The following FYB1 variants were observed in gnomAD, a reference collection of about 807,000 sequenced individuals.
FYB1 encodes FYN-binding protein 1.
FYB1 carries 41 observed loss-of-function variants against 94.1 expected under a neutral mutation model. The observed-to-expected ratio is 0.44, with a 90% CI of 0.34 to 0.57. The LOEUF is 0.57. FYB1 is among the 20% of genes least tolerant of loss of function. The pLI, the probability that FYB1 is intolerant of heterozygous loss-of-function variation, is 0.02. For missense variants in FYB1, 1,050 were observed against 976.8 expected (o/e 1.07, Z -1.00); for synonymous variants, 367 against 353.2 (o/e 1.04, Z -0.44).
intron 1 of FYB1, among the ~76,000 whole-genome samples, chr5:39,205,042 T>A (rs958328903): frequency 6.6e-6 from 1 of 152,096 alleles, no homozygotes; most frequent in African/African-American, 2.4e-5. Flanking sequence ...AATGGGTTCT[T>A]CCCTGAACCT....
chr5:39,252,551 A>G (rs1024391661), intron 1 of FYB1, among the ~76,000 whole-genome samples: 6 of 152,260 alleles, frequency 3.9e-5, no homozygotes, highest in African/African-American at 1.4e-4. Context: ...AGGTCAAAGC[A>G]TATGTCTTAA....
intron 1 of FYB1, among the ~76,000 whole-genome samples, chr5:39,226,065 A>G (rs1750459049): frequency 6.6e-6 from 1 of 152,180 alleles, no homozygotes; most frequent in South Asian, 2.1e-4. Context: ...AGGTAACCAC[A>G]TAAGAGACAT....
At chr5:39,133,196 A>G (rs1393387009) in intron 9 of FYB1, among the ~76,000 whole-genome samples, 1 of 152,226 alleles carries the variant, frequency 6.6e-6, no homozygotes, top group Non-Finnish European at 1.5e-5. Flanking sequence ...ATGGCTGACA[A>G]TGAAGATTGT....
intron 16 of FYB1, among the ~76,000 whole-genome samples, chr5:39,112,791 C>T (rs1243874428): frequency 2.0e-5 from 3 of 152,020 alleles, no homozygotes; most frequent in Admixed American, 2.0e-4. Context: ...ATTTCCATTC[C>T]CTCCTATATC....
At chr5:39,227,016 C>G (rs1750500970) in intron 1 of FYB1, among the ~76,000 whole-genome samples, 1 of 152,198 alleles carries the variant, frequency 6.6e-6, no homozygotes, top group African/African-American at 2.4e-5. Flanking sequence ...TAGGCTATAT[C>G]TGGGTGCAGA....
chr5:39,145,155 C>G (rs1270006540), intron 3 of FYB1, among the ~76,000 whole-genome samples: 1 of 152,078 alleles, frequency 6.6e-6, no homozygotes, highest in Non-Finnish European at 1.5e-5. Context: ...CTTTTATATG[C>G]TTAACATTTT....
At chr5:39,124,000 C>T (rs1285669518) in intron 13 of FYB1, among the ~76,000 whole-genome samples, 3 of 152,092 alleles carry the variant, frequency 2.0e-5, no homozygotes, top group African/African-American at 7.2e-5. Context: ...CTTATCCCTT[C>T]CCACTTATCC....
Position 39,180,086 on chromosome 5 carries a change from C to T in FYB1, c.1135+21740G>A, listed in dbSNP as rs112489769. Among the ~76,000 whole-genome samples the T allele has an allele frequency of 6.2e-3, 950 of 152,268 alleles. 6 individuals carry two copies. Among genetic ancestry groups the T allele is most frequent in the Non-Finnish European group, 0.011 (723 of 68,014 alleles). On this transcript the variant is annotated intron_variant, in intron 2 of 18. Transcript: ENST00000512982. ...AAGGTAAACTTCAGGAGAACAGAGA[C>T]GTAACTGTCTCATCTCTATTGGATT...
chr5:39,202,365 C>T lies in FYB1; in HGVS notation c.596G>A (p.Gly199Asp), dbSNP rs1267829413. 1 of 1,613,898 alleles carries T rather than the reference C, an allele frequency of 6.2e-7. No homozygotes were observed. Among genetic ancestry groups the T allele is most frequent in the Non-Finnish European group, 8.5e-7 (1 of 1,179,876 alleles). Residue 199 changes from glycine to aspartate, a missense_variant, in exon 2 of 19, where the codon GGC becomes GAC. Physicochemically the swap from Gly to Asp is moderately conservative, Grantham distance 94. Transcript: ENST00000512982. The part of the protein sequence containing the change: ...PKPLFPKPAF[G>D]QKPPLSTENS... ...CTCGGTACTTAGGGGCGGCTTCTGG[C>T]CAAAGGCGGGTTTGGGGAAGAGGGG...
At chr5:39,159,148 C>T (rs115139843) in intron 2 of FYB1, among the ~76,000 whole-genome samples, 32 of 152,256 alleles carry the variant, frequency 2.1e-4, no homozygotes, top group African/African-American at 7.5e-4. Flanking sequence ...CATATAAAAT[C>T]ATTTCTGTTA....
At chr5:39,125,162 G>C (rs991975712) in intron 12 of FYB1, among the ~76,000 whole-genome samples, 2 of 152,008 alleles carry the variant, frequency 1.3e-5, no homozygotes, top group African/African-American at 4.8e-5. Context: ...TGTTTTCCTA[G>C]AATTTCAAGT....
At chr5:39,152,337 A>G (rs1044727184) in intron 3 of FYB1, among the ~76,000 whole-genome samples, 2 of 152,152 alleles carry the variant, frequency 1.3e-5, no homozygotes, top group African/African-American at 2.4e-5. Context: ...TCCTTTCCCT[A>G]AATTGTAGTC....
rs778155667 is a variant in FYB1, at chr5:39,141,105, C to T, written c.1329G>A (p.Thr443=). Residue 443 remains threonine (T), a synonymous_variant, in exon 4 of 19, where the codon ACG becomes ACA. Transcript: ENST00000512982. ...GTTTTTGTCGTTTACCATCAGAGTG[C>T]GTGACACCATCTTGATTGTCTTCAT... is the stretch of plus-strand genomic sequence containing the variant. ...PVNEDNQDGV[T]HSDGAGNLDE... is the part of the protein sequence containing the mutation. 2.9e-5 allele frequency: 46 copies of T among 1,588,384 alleles called. No individual in the cohort carries two copies. In the East Asian group the frequency reaches 3.8e-4, roughly 13 times the overall value.
intron 1 of FYB1, among the ~76,000 whole-genome samples, chr5:39,247,863 T>A (rs887615761): frequency 6.6e-6 from 1 of 151,656 alleles, no homozygotes; most frequent in Non-Finnish European, 1.5e-5. Context: ...ATAACTTTTT[T>A]TCTTGGCTTT....
intron 2 of FYB1, among the ~76,000 whole-genome samples, chr5:39,185,516 TAA>T (rs150535374): frequency 2.7e-5 from 3 of 110,706 alleles, no homozygotes; most frequent in African/African-American, 1.0e-4. Context: ...GATAACTGAC[TAA>T]AAAAAAAATA....
At chr5:39,265,483 CA>C (rs34295541) in intron 1 of FYB1, among the ~76,000 whole-genome samples, 46,326 of 114,006 alleles carry the variant, frequency 0.41, 8,724 homozygotes, top group Middle Eastern at 0.58. Flanking sequence ...GACTCTGTCT[CA>C]AAAAAAAAAA....
At chr5:39,232,553 TA>T (rs1484529472) in intron 1 of FYB1, among the ~76,000 whole-genome samples, 2 of 151,656 alleles carry the variant, frequency 1.3e-5, no homozygotes, top group Admixed American at 6.6e-5. Context: ...ATTTATTTTT[TA>T]TTTATTTTTT....
intron 16 of FYB1, among the ~76,000 whole-genome samples, chr5:39,118,578 C>T (rs936337554): frequency 3.9e-5 from 6 of 152,126 alleles, no homozygotes; most frequent in African/African-American, 4.8e-5. Context: ...TTAATACACA[C>T]GCAAGGGCTT....
At chr5:39,256,043 T>C (rs527889070) in intron 1 of FYB1, among the ~76,000 whole-genome samples, 6 of 152,356 alleles carry the variant, frequency 3.9e-5, no homozygotes, top group African/African-American at 1.2e-4. Flanking sequence ...CTCCGTTAAA[T>C]AGAATCTTTC....
Sources: gnomAD v4.1 joint callset for allele counts (sites outside exome capture counted in the v4.1 genomes callset) on GRCh38, gnomAD v4.1.1 for gene constraint, MANE v1.5 for transcripts, NCBI Gene and HGNC (gene_info 2026-07-23, HGNC 2026-07-21) for gene names.